The following GRM7 variants were observed in gnomAD, a reference collection of about 807,000 sequenced individuals.
GRM7 encodes metabotropic glutamate receptor 7.
In GRM7, 35 loss-of-function variants were observed where a neutral mutation model predicts 84.5. The observed-to-expected ratio is 0.41, with a 90% CI of 0.32 to 0.55. The LOEUF is 0.55. Ranked by LOEUF, GRM7 falls within the 20% of genes least tolerant of loss-of-function variation. The pLI is 0.19. For missense variants in GRM7, 1,003 were observed against 1,194.6 expected (o/e 0.84, Z 2.36); for synonymous variants, 487 against 455.1 (o/e 1.07, Z -0.89).
intron 2 of GRM7, among the ~76,000 whole-genome samples, chr3:7,218,781 A>G (rs1024469018): frequency 6.6e-6 from 1 of 151,732 alleles, no homozygotes; most frequent in African/African-American, 2.4e-5. Context: ...TTATTTTAAT[A>G]TTATAGATAT....
intron 7 of GRM7, among the ~76,000 whole-genome samples, chr3:7,540,268 G>A (rs1692799977): frequency 6.6e-6 from 1 of 152,120 alleles, no homozygotes; most frequent in Admixed American, 6.5e-5. Context: ...GTCCACACAA[G>A]ACTTGGACAT....
intron 1 of GRM7, among the ~76,000 whole-genome samples, chr3:6,906,028 G>T (rs1448636994): frequency 6.6e-6 from 1 of 152,224 alleles, no homozygotes; most frequent in Non-Finnish European, 1.5e-5. Flanking sequence ...TTTGGCTTAA[G>T]ATAGCAATCA....
At position 6,931,779 on chromosome 3, in the gene GRM7, T is replaced by G. The variant is rs537738123; in HGVS notation, c.519+69872T>G. Among the ~76,000 whole-genome samples the G allele has an allele frequency of 4.6e-5, 7 of 152,364 alleles. No individual in the cohort carries two copies. In the South Asian group the frequency reaches 1.5e-3, roughly 32 times the overall value. The stretch of plus-strand genomic sequence containing the variant: ...GTGAGCTCAAGAACCGTGTCTCTCT[T>G]TTTGGCTATTCCCTCATACTCAGCA... On this transcript the variant is annotated intron_variant, in intron 1 of 9. Coordinates refer to ENST00000357716, the MANE Select transcript of GRM7 (RefSeq NM_000844.4).
chr3:7,473,189 C>A (rs1053040914), intron 7 of GRM7, among the ~76,000 whole-genome samples: 6 of 152,116 alleles, frequency 3.9e-5, no homozygotes, highest in Admixed American at 3.3e-4. Context: ...AACACTAGGC[C>A]CAGGGTAGTG....
At chr3:7,281,227 G>T (rs1699240950) in intron 2 of GRM7, among the ~76,000 whole-genome samples, 1 of 152,142 alleles carries the variant, frequency 6.6e-6, no homozygotes, top group Non-Finnish European at 1.5e-5. Context: ...GAACAAGGCA[G>T]AAATTTCCAG....
chr3:7,145,836 G>T (rs1275043890), intron 1 of GRM7, among the ~76,000 whole-genome samples: 2 of 152,290 alleles, frequency 1.3e-5, no homozygotes, highest in East Asian at 3.9e-4. Flanking sequence ...TTTGAGGAAA[G>T]CCTGTCAATG....
chr3:7,005,139 G>A (rs1226973197), intron 1 of GRM7, among the ~76,000 whole-genome samples: 2 of 152,182 alleles, frequency 1.3e-5, no homozygotes, highest in East Asian at 1.9e-4. Context: ...CAAGTCACGC[G>A]TCAAGGTGGA....
chr3:7,376,424 G>A (rs1269046238), intron 4 of GRM7, among the ~76,000 whole-genome samples: 1 of 152,142 alleles, frequency 6.6e-6, no homozygotes, highest in Non-Finnish European at 1.5e-5. Flanking sequence ...AGTTCCTTAA[G>A]GAAAACAGGT....
intron 9 of GRM7, among the ~76,000 whole-genome samples, chr3:7,711,254 A>G (rs1701567228): frequency 6.6e-6 from 1 of 152,238 alleles, no homozygotes; most frequent in Non-Finnish European, 1.5e-5. Context: ...AGGAAGTGAC[A>G]TTTGAGATGA....
intron 4 of GRM7, among the ~76,000 whole-genome samples, chr3:7,356,724 CT>C (rs1693420864): frequency 6.6e-6 from 1 of 152,118 alleles, no homozygotes; most frequent in Non-Finnish European, 1.5e-5. Context: ...CCTTTGGAAT[CT>C]GGAATTTGTA....
At position 7,112,874 on chromosome 3, in the gene GRM7, G is replaced by T. The variant is rs376496354; in HGVS notation, c.520-33578G>T. Among the ~76,000 whole-genome samples the T allele has an allele frequency of 9.9e-5, 15 of 152,244 alleles. No individual in the cohort carries two copies. In the East Asian group the frequency reaches 2.9e-3, roughly 29 times the overall value. The stretch of plus-strand genomic sequence containing the variant: ...GTATTGGCCACACATCAAACAATAG[G>T]ACTACCACTTCCTGTTAACTTTGAA... On this transcript the variant is annotated intron_variant, in intron 1 of 9. Coordinates refer to ENST00000357716, the MANE Select transcript of GRM7 (RefSeq NM_000844.4).
chr3:6,948,416 G>A (rs531286034), intron 1 of GRM7, among the ~76,000 whole-genome samples: 57 of 152,314 alleles, frequency 3.7e-4, no homozygotes, highest in African/African-American at 1.3e-3. Context: ...TGTGGTCTGA[G>A]AGACAGTTTG....
chr3:7,553,414 T>C (rs1224260525), intron 7 of GRM7, among the ~76,000 whole-genome samples: 1 of 152,206 alleles, frequency 6.6e-6, no homozygotes, highest in Admixed American at 6.5e-5. Flanking sequence ...CAAAGTTGCT[T>C]CCACAATTTC....
chr3:7,072,253 A>G (rs1026420487), intron 1 of GRM7, among the ~76,000 whole-genome samples: 13 of 152,288 alleles, frequency 8.5e-5, no homozygotes, highest in Middle Eastern at 3.4e-3. Context: ...GTGGAGCTAG[A>G]AAGGACATCT....
At chr3:7,611,365 A>AGAAACATGGGGATGCAGAAGACTCC (rs1228848211) in intron 8 of GRM7, among the ~76,000 whole-genome samples, 1 of 152,166 alleles carries the variant, frequency 6.6e-6, no homozygotes. Context: ...AATTTAGGGA[A>AGAAACATGGGGATGCAGAAGACTCC]GAAACATGGG....
chr3:7,189,005 G>T (rs1010076590), intron 2 of GRM7, among the ~76,000 whole-genome samples: 1 of 152,160 alleles, frequency 6.6e-6, no homozygotes, highest in Non-Finnish European at 1.5e-5. Flanking sequence ...AGTGGTCTCC[G>T]ACCTGTTGCA....
intron 2 of GRM7, among the ~76,000 whole-genome samples, chr3:7,248,646 G>A (rs189094911): frequency 4.6e-5 from 7 of 152,094 alleles, no homozygotes; most frequent in African/African-American, 1.7e-4. Flanking sequence ...ACTTGTAAGG[G>A]TTCATTTCTT....
At chr3:7,288,533 C>T (rs988799018) in intron 2 of GRM7, among the ~76,000 whole-genome samples, 2 of 152,130 alleles carry the variant, frequency 1.3e-5, no homozygotes, top group African/African-American at 4.8e-5. Flanking sequence ...TTCCAAGCTC[C>T]AGTCTTCTCA....
At chr3:6,981,179 C>CT (rs1291976938) in intron 1 of GRM7, among the ~76,000 whole-genome samples, 1 of 152,114 alleles carries the variant, frequency 6.6e-6, no homozygotes, top group East Asian at 1.9e-4. Context: ...TGGGTTGCAT[C>CT]TTTTTGATAC....
Sources: gnomAD v4.1 joint callset for allele counts (sites outside exome capture counted in the v4.1 genomes callset) on GRCh38, gnomAD v4.1.1 for gene constraint, MANE v1.5 for transcripts, NCBI Gene and HGNC (gene_info 2026-07-23, HGNC 2026-07-21) for gene names.